ABCB4: variants seen among roughly 807,000 people sequenced by gnomAD.
ABCB4 encodes ATP binding cassette subfamily B member 4.
A neutral mutation model predicts 145.7 loss-of-function variants in ABCB4; 76 were observed. The observed-to-expected ratio is 0.52, with a 90% confidence interval of 0.43 to 0.63. ABCB4 has a LOEUF of 0.63. Among genes scored for constraint, ABCB4 ranks in the 30% least tolerant of loss-of-function variants. The pLI, the probability that ABCB4 is intolerant of heterozygous loss-of-function variation, is 0.00. For synonymous variants in ABCB4, 517 were observed against 566.8 expected (o/e 0.91, Z 1.25); for missense variants, 1,234 against 1,553.1 (o/e 0.79, Z 3.45).
Position 87,447,115 on chromosome 7 carries a change from T to C in ABCB4, c.924A>G (p.Ile308Met), listed in dbSNP as rs187810223. The C allele has an allele frequency of 5.0e-6, 8 of 1,613,918 alleles. No individual in the cohort carries two copies. In the East Asian group the frequency reaches 1.6e-4, roughly 31 times the overall value. Residue 308 changes from isoleucine (I) to methionine (M), a missense_variant, in exon 9 of 28, where the codon ATA becomes ATG. Ile to Met is a conservative substitution (Grantham distance 10). Coordinates refer to ENST00000649586, the MANE Select transcript of ABCB4 (RefSeq NM_000443.4). ...NISMGIAFLL[I>M]YASYALAFWY... is the part of the protein sequence containing the mutation. Reference sequence around the variant, plus strand: ...AGAAGGCCAGTGCATATGATGCATATATTAACAGGAAGGCAATACCCATGG... The same window carrying C: ...AGAAGGCCAGTGCATATGATGCATACATTAACAGGAAGGCAATACCCATGG...
Position 87,453,002 on chromosome 7 carries a change from G to A in ABCB4, c.478C>T (p.Gln160Ter). ...RQKFFHAILR[Q>*]EIGWFDINDT... ...TTGATGTCAAACCATCCTATTTCCT[G>A]TCGTAGAATAGCATGAAAAAACTTC... The change falls in exon 6 of 28, where the codon CAG (glutamine) becomes TAG (stop). Residue 160 changes from glutamine to a stop codon, truncating the protein, a stop_gained. Coordinates refer to ENST00000649586, the MANE Select transcript of ABCB4 (RefSeq NM_000443.4). LOFTEE classifies it high-confidence loss of function. The A allele has an allele frequency of 6.2e-7, 1 of 1,613,956 alleles. No individual in the cohort carries two copies. The highest frequency in any genetic ancestry group is 8.5e-7 in the Non-Finnish European group (1 of 1,180,000).
intron 14 of ABCB4, among the ~76,000 whole-genome samples, chr7:87,435,218 T>C (rs530174014): frequency 6.6e-6 from 1 of 152,340 alleles, no homozygotes; most frequent in East Asian, 1.9e-4. Context: ...GGGTTTATCT[T>C]TAAAGGTATG....
At chr7:87,398,795 C>A, downstream of ABCB4, 1 of 714,260 alleles carries the variant, frequency 1.4e-6, no homozygotes, top group Non-Finnish European at 2.3e-6. Flanking sequence ...TTAGTAGAAT[C>A]ATGCTCTCTA....
At chr7:87,461,831 A>T (rs1812480500) in intron 4 of ABCB4, among the ~76,000 whole-genome samples, 1 of 152,224 alleles carries the variant, frequency 6.6e-6, no homozygotes, top group African/African-American at 2.4e-5. Context: ...TACAATAGTA[A>T]CTAAATATGT....
At chr7:87,424,295 G>A (rs45609336) in intron 16 of ABCB4, among the ~76,000 whole-genome samples, 13 of 152,132 alleles carry the variant, frequency 8.5e-5, no homozygotes, top group African/African-American at 7.2e-5. Flanking sequence ...TGCTTAGCCC[G>A]TCCCTATTCT....
Position 87,419,892 on chromosome 7 carries a change from C to T in ABCB4, c.2394+106G>A, listed in dbSNP as rs146002216. 5.8e-6 allele frequency: 7 copies of T among 1,216,150 alleles called. No homozygotes were observed. The African/African-American group carries it at 9.0e-5, about 16-fold the overall frequency. 75.3% of individuals were successfully genotyped at this position (1,216,150 alleles called of 1,614,324 possible). ...ACTCTGCCCCATCCTTGCGTGAATA[C>T]CCTGGGGGGAAAACATGCATATCGA... On this transcript the variant is annotated intron_variant, in intron 19 of 27. Coordinates refer to ENST00000649586, the MANE Select transcript of ABCB4 (RefSeq NM_000443.4).
At chr7:87,435,471 A>G (rs1810547899) in intron 14 of ABCB4, among the ~76,000 whole-genome samples, 1 of 152,218 alleles carries the variant, frequency 6.6e-6, no homozygotes, top group Non-Finnish European at 1.5e-5. Context: ...CCCAGGCCTC[A>G]AGGGATCTCA....
intron 4 of ABCB4, among the ~76,000 whole-genome samples, chr7:87,461,796 C>T (rs1377305286): frequency 1.3e-5 from 2 of 152,248 alleles, no homozygotes; most frequent in African/African-American, 4.8e-5. Flanking sequence ...CAATCCTATT[C>T]TCTTAGGAAA....
intron 14 of ABCB4, among the ~76,000 whole-genome samples, chr7:87,438,844 G>A (rs1810787483): frequency 6.6e-6 from 1 of 152,142 alleles, no homozygotes; most frequent in South Asian, 2.1e-4. Context: ...GGTTAACTTA[G>A]GATTCAGATA....
intron 17 of ABCB4, 57 bp downstream of exon 17, chr7:87,423,849 A>G: frequency 6.2e-7 from 1 of 1,608,606 alleles, no homozygotes; most frequent in African/African-American, 1.3e-5. Context: ...GGTTGGGAGA[A>G]GCAGCAGCTG....
intron 27 of ABCB4, among the ~76,000 whole-genome samples, 177 bp from the exon 28 acceptor site, chr7:87,402,479 T>A (rs1367669573): frequency 6.6e-6 from 1 of 152,248 alleles, no homozygotes; most frequent in Non-Finnish European, 1.5e-5. Context: ...ATAGTTATGT[T>A]CTGCTTTTTA....
At chr7:87,377,917 T>C in the ABCB4 span, among the ~76,000 whole-genome samples, 1 of 152,198 alleles carries the variant, frequency 6.6e-6, no homozygotes, top group Non-Finnish European at 1.5e-5. Flanking sequence ...TACTACCATT[T>C]TGACCATTTT....
chr7:87,423,996 T>A lies in ABCB4; in HGVS notation c.2121A>T (p.Glu707Asp). 6.2e-7 allele frequency: 1 copy of A among 1,614,102 alleles called. No homozygotes were observed. Among genetic ancestry groups the A allele is most frequent in the Non-Finnish European group, 8.5e-7 (1 of 1,179,978 alleles). The part of the protein sequence containing the change: ...FLKVLKLNKT[E>D]WPYFVVGTVC... ...CTGTTCCCACGACAAAGTAGGGCCA[T>A]TCTGTTTTATTCAGTTTCAGGACCT... The change falls in exon 17 of 28, where the codon GAA becomes GAT. Residue 707 changes from glutamate (E) to aspartate (D), a missense_variant. Transcript: ENST00000649586.
At position 87,404,726 on chromosome 7, in the gene ABCB4, C is replaced by G. The variant is rs750378558; in HGVS notation, c.3487-1445G>C. 1.6e-4 allele frequency among the ~76,000 whole-genome samples: 25 copies of G among 152,112 alleles called. 1 individual carries two copies. Among genetic ancestry groups the G allele is most frequent in the Non-Finnish European group, 3.1e-4 (21 of 67,990 alleles). ...GGGCAAACAACATGGAGACATTTCA[C>G]CAAGAGGATATATAGATGGTAAATA... On this transcript the variant is annotated intron_variant, in intron 26 of 27. Coordinates refer to ENST00000649586, the MANE Select transcript of ABCB4 (RefSeq NM_000443.4).
At chr7:87,387,504 TA>T in the ABCB4 span, among the ~76,000 whole-genome samples, 3 of 152,046 alleles carry the variant, frequency 2.0e-5, no homozygotes, top group South Asian at 2.1e-4. Flanking sequence ...TCATGGAGGT[TA>T]GGGGTCCCCA....
chr7:87,416,468 GCTTCA>G (rs1432348837), intron 21 of ABCB4, among the ~76,000 whole-genome samples: 3 of 152,230 alleles, frequency 2.0e-5, no homozygotes, highest in African/African-American at 7.2e-5. Context: ...TTTATTATCT[GCTTCA>G]CTTCCTCATG....
At chr7:87,465,843 A>T (rs1812851873) in intron 3 of ABCB4, among the ~76,000 whole-genome samples, 1 of 152,220 alleles carries the variant, frequency 6.6e-6, no homozygotes, top group African/African-American at 2.4e-5. Context: ...GAGGGTCCTG[A>T]CTGTTAGAAG....
intron 15 of ABCB4, 71 bp downstream of exon 15, chr7:87,431,333 T>C: frequency 1.3e-6 from 2 of 1,592,330 alleles, no homozygotes; most frequent in Admixed American, 3.3e-5. Flanking sequence ...ATTCACTGGA[T>C]CATATTTTAA....
chr7:87,446,182 A>T (rs1023719808), intron 9 of ABCB4, among the ~76,000 whole-genome samples: 2 of 152,216 alleles, frequency 1.3e-5, no homozygotes, highest in Non-Finnish European at 2.9e-5. Flanking sequence ...AAGCATTCTG[A>T]AAATATTCAC....
Sources: allele counts gnomAD v4.1 joint callset (sites outside exome capture counted in the v4.1 genomes callset), GRCh38; gene constraint gnomAD v4.1.1; transcripts MANE v1.5; gene names NCBI Gene and HGNC (gene_info 2026-07-23, HGNC 2026-07-21).